Variants in UTS2 observed in about 807,000 individuals in gnomAD.
The protein encoded by UTS2 is urotensin-2.
In UTS2, 10 loss-of-function variants were observed where a neutral mutation model predicts 12.6. That is an observed-to-expected ratio of 0.80 (90% CI 0.49 to 1.35). UTS2 has a LOEUF of 1.35. Ranked by LOEUF, UTS2 falls within the 40% of genes most tolerant of loss-of-function variation. UTS2 has a pLI of 0.00. For missense variants in UTS2, 142 were observed against 143.2 expected, an observed-to-expected ratio of 0.99 and a Z score of 0.04; for synonymous variants, 52 against 50.0, an observed-to-expected ratio of 1.04 and a Z score of -0.17.
At chr1:7,904,489 AC>A in the UTS2 span, among the ~76,000 whole-genome samples, 5 of 151,536 alleles carry the variant, frequency 3.3e-5, no homozygotes, top group Admixed American at 2.0e-4. Flanking sequence ...AAAAAAAAAA[AC>A]AACAAAAAAA....
chr1:7,853,379 T>A, upstream of UTS2: 1 of 1,614,180 alleles, frequency 6.2e-7, no homozygotes, highest in Non-Finnish European at 8.5e-7. Context: ...CGTGGATTTA[T>A]GAGTCCGAGC....
the UTS2 span, among the ~76,000 whole-genome samples, chr1:7,861,344 C>G: frequency 6.6e-6 from 1 of 152,068 alleles, no homozygotes; most frequent in Admixed American, 6.5e-5. Flanking sequence ...ATGCTGGCAA[C>G]TTTGACAAGA....
the UTS2 span, among the ~76,000 whole-genome samples, chr1:7,889,009 G>A: frequency 6.6e-6 from 1 of 151,838 alleles, no homozygotes; most frequent in Non-Finnish European, 1.5e-5. Flanking sequence ...GAGGGCTGGT[G>A]TGGGGTTAGG....
the UTS2 span, among the ~76,000 whole-genome samples, chr1:7,887,836 A>G: frequency 6.6e-6 from 1 of 152,126 alleles, no homozygotes; most frequent in Non-Finnish European, 1.5e-5. Context: ...GCAGATTATA[A>G]GTGAACTTGG....
chr1:7,886,037 C>T, the UTS2 span, among the ~76,000 whole-genome samples: 1 of 118,888 alleles, frequency 8.4e-6, no homozygotes, highest in Non-Finnish European at 2.0e-5. Context: ...TCAGCTGCAC[C>T]GCACCTGTTC....
chr1:7,893,770 A>G, the UTS2 span, among the ~76,000 whole-genome samples: 5 of 152,174 alleles, frequency 3.3e-5, no homozygotes, highest in African/African-American at 7.2e-5. Flanking sequence ...GACTGTCTCC[A>G]TACACTCACC....
the UTS2 span, among the ~76,000 whole-genome samples, chr1:7,867,718 A>G: frequency 6.6e-6 from 1 of 152,100 alleles, no homozygotes; most frequent in Non-Finnish European, 1.5e-5. Context: ...TCTACTAAAA[A>G]TAGAAAAATT....
chr1:7,908,226 A>G, the UTS2 span, among the ~76,000 whole-genome samples: 3 of 150,320 alleles, frequency 2.0e-5, no homozygotes, highest in Admixed American at 6.7e-5. Context: ...TTGAACCTGG[A>G]GTCAGAGATT....
the UTS2 span, among the ~76,000 whole-genome samples, chr1:7,912,350 G>A: frequency 1.3e-5 from 2 of 152,298 alleles, no homozygotes; most frequent in African/African-American, 4.8e-5. Flanking sequence ...TGAGGACTCA[G>A]CGGCATAAAC....
the UTS2 span, among the ~76,000 whole-genome samples, chr1:7,881,029 A>G: frequency 6.8e-6 from 1 of 147,722 alleles, no homozygotes; most frequent in Non-Finnish European, 1.5e-5. Flanking sequence ...GAACACAATG[A>G]AGGACAAAAA....
At chr1:7,910,149 C>T in the UTS2 span, among the ~76,000 whole-genome samples, 1 of 152,052 alleles carries the variant, frequency 6.6e-6, no homozygotes, top group Non-Finnish European at 1.5e-5. Flanking sequence ...TGTCTCTGGC[C>T]CCTCATTCTC....
At chr1:7,902,909 G>A in the UTS2 span, among the ~76,000 whole-genome samples, 31 of 152,168 alleles carry the variant, frequency 2.0e-4, no homozygotes, top group African/African-American at 6.7e-4. Flanking sequence ...TTGATCCCGA[G>A]GGAGGCCTGC....
the UTS2 span, among the ~76,000 whole-genome samples, chr1:7,881,174 G>C: frequency 1.3e-5 from 2 of 152,308 alleles, no homozygotes; most frequent in East Asian, 3.9e-4. Context: ...CAAGCCCTCA[G>C]CTGACATCAT....
the UTS2 span, among the ~76,000 whole-genome samples, chr1:7,874,381 C>A: frequency 6.6e-6 from 1 of 152,196 alleles, no homozygotes; most frequent in African/African-American, 2.4e-5. Flanking sequence ...GAGAGCCCAC[C>A]CCTGACCAGA....
the UTS2 span, among the ~76,000 whole-genome samples, chr1:7,896,163 T>G: frequency 6.6e-6 from 1 of 152,154 alleles, no homozygotes; most frequent in Non-Finnish European, 1.5e-5. Context: ...ATATCTCAGT[T>G]AAGCTCAAAA....
chr1:7,902,210 G>A, the UTS2 span, among the ~76,000 whole-genome samples: 1 of 151,860 alleles, frequency 6.6e-6, no homozygotes, highest in South Asian at 2.1e-4. Flanking sequence ...CCGGGTGAGG[G>A]TTATACAGAC....
the UTS2 span, among the ~76,000 whole-genome samples, chr1:7,862,990 GTTGTATTGTATTGTATTGTA>G: frequency 4.8e-5 from 2 of 41,350 alleles, no homozygotes; most frequent in African/African-American, 1.7e-4. Context: ...ATTGTGTTGT[GTTGTATTGTATTGTATTGTA>G]TTGTATTGTA....
chr1:7,895,887 C>T, the UTS2 span, among the ~76,000 whole-genome samples: 15 of 152,144 alleles, frequency 9.9e-5, no homozygotes, highest in Non-Finnish European at 1.9e-4. Context: ...TGAGGATATG[C>T]GTCAAGCCAT....
At chr1:7,850,219 C>T (rs2097412600) in intron 2 of UTS2, among the ~76,000 whole-genome samples, 1 of 152,154 alleles carries the variant, frequency 6.6e-6, no homozygotes, top group Non-Finnish European at 1.5e-5. Context: ...ATCCGCCCAC[C>T]TCAGCCTCCC....
Sources: gnomAD v4.1 joint callset for allele counts (sites outside exome capture counted in the v4.1 genomes callset) on GRCh38, gnomAD v4.1.1 for gene constraint, MANE v1.5 for transcripts, NCBI Gene and HGNC (gene_info 2026-07-23, HGNC 2026-07-21) for gene names.